Variants in TPD52L1 observed in about 807,000 individuals in gnomAD.
TPD52L1 encodes the protein TPD52 like 1, also known as tumor protein D53.
TPD52L1 carries 18 observed loss-of-function variants against 28.7 expected under a neutral mutation model. The observed-to-expected ratio is 0.63, with a 90% CI of 0.43 to 0.93. TPD52L1 has a LOEUF of 0.93. Ranked by LOEUF, TPD52L1 falls within the 40% of genes least tolerant of loss-of-function variation. The probability of loss-of-function intolerance (pLI) is 0.00; values close to 1 mark genes in which losing one functional copy is unlikely to be tolerated. For synonymous variants in TPD52L1, 75 were observed against 88.8 expected (o/e 0.84, Z 0.88); for missense variants, 203 against 254.8 (o/e 0.80, Z 1.39).
At chr6:125,231,653 G>A (rs553146379) in intron 3 of TPD52L1, among the ~76,000 whole-genome samples, 5 of 151,930 alleles carry the variant, frequency 3.3e-5, no homozygotes, top group African/African-American at 1.2e-4. Context: ...TTGTTTATAC[G>A]ACAAAATCAT....
rs944983340 is a variant in TPD52L1, at chr6:125,169,005, C to T, written c.19+15035C>T. 3.3e-5 allele frequency among the ~76,000 whole-genome samples: 5 copies of T among 151,846 alleles called. No individual in the cohort carries two copies. The East Asian group carries it at 7.7e-4, about 24-fold the overall frequency. On this transcript the variant is annotated intron_variant, in intron 1 of 6. Coordinates refer to ENST00000534000, the MANE Select transcript of TPD52L1 (RefSeq NM_003287.4). ...TTTCTTGCTCCCTCTTTCTTTGTGC[C>T]CTCCCCTTCCTCTCTCTACCCCTGC...
chr6:125,213,840 T>C (rs1794677136), intron 1 of TPD52L1, among the ~76,000 whole-genome samples: 5 of 152,246 alleles, frequency 3.3e-5, no homozygotes, highest in Admixed American at 3.3e-4. Flanking sequence ...TCCTATACCA[T>C]TCAAGGACCA....
chr6:125,183,188 G>A (rs1190701638), intron 1 of TPD52L1, among the ~76,000 whole-genome samples: 1 of 152,156 alleles, frequency 6.6e-6, no homozygotes, highest in South Asian at 2.1e-4. Context: ...TTTGTAGTTA[G>A]AAATGGAGAC....
intron 1 of TPD52L1, among the ~76,000 whole-genome samples, chr6:125,164,684 A>G (rs1427796165): frequency 6.6e-6 from 1 of 152,172 alleles, no homozygotes; most frequent in African/African-American, 2.4e-5. Context: ...TTATTCATTT[A>G]ACCATCTCCC....
intron 4 of TPD52L1, among the ~76,000 whole-genome samples, chr6:125,249,581 G>T (rs1231798210): frequency 1.3e-5 from 2 of 150,982 alleles, no homozygotes; most frequent in African/African-American, 4.9e-5. Context: ...AGTCCCAGCT[G>T]CTGAGGAGGC....
chr6:125,236,579 A>G (rs1796270466), intron 3 of TPD52L1, among the ~76,000 whole-genome samples: 1 of 152,248 alleles, frequency 6.6e-6, no homozygotes, highest in Non-Finnish European at 1.5e-5. Flanking sequence ...AAAATTAAAT[A>G]TTGGGTCTAA....
intron 1 of TPD52L1, among the ~76,000 whole-genome samples, chr6:125,160,335 G>C (rs1216300755): frequency 6.6e-6 from 1 of 152,044 alleles, no homozygotes; most frequent in Non-Finnish European, 1.5e-5. Flanking sequence ...TAAATCTATA[G>C]ATTTAGAATA....
intron 1 of TPD52L1, among the ~76,000 whole-genome samples, chr6:125,155,091 T>A (rs1340401760): frequency 1.3e-5 from 2 of 152,234 alleles, no homozygotes; most frequent in Admixed American, 6.5e-5. Context: ...TACTCGTTTG[T>A]TCCATCCTCC....
chr6:125,216,529 G>GTGTGTATA (rs1314530488), intron 1 of TPD52L1, among the ~76,000 whole-genome samples: 11 of 69,074 alleles, frequency 1.6e-4, no homozygotes, highest in African/African-American at 9.3e-4. Flanking sequence ...GTATGTGTGT[G>GTGTGTATA]TATATATATA....
chr6:125,235,737 G>A lies in TPD52L1; in HGVS notation c.284+6471G>A, dbSNP rs1398297961. On this transcript the variant is annotated intron_variant, in intron 3 of 6. Transcript: ENST00000534000. ...AATGTATATAAAATAGCAACTAACT[G>A]TTTTCAAGAAATATGATGGTTAGCT... Among the ~76,000 whole-genome samples, 4 of 152,186 alleles carry A rather than the reference G, an allele frequency of 2.6e-5. No individual in the cohort carries two copies. In the East Asian group the frequency reaches 7.7e-4, roughly 29 times the overall value.
chr6:125,236,075 C>T (rs917186983), intron 3 of TPD52L1, among the ~76,000 whole-genome samples: 2 of 152,120 alleles, frequency 1.3e-5, no homozygotes, highest in Admixed American at 1.3e-4. Context: ...AGCAGGCACC[C>T]TGGACTAGGC....
At chr6:125,191,138 T>C (rs1344373452) in intron 1 of TPD52L1, among the ~76,000 whole-genome samples, 3 of 152,248 alleles carry the variant, frequency 2.0e-5, no homozygotes, top group African/African-American at 7.2e-5. Flanking sequence ...CTCTCTTACA[T>C]GGAATCATTC....
intron 1 of TPD52L1, among the ~76,000 whole-genome samples, chr6:125,157,131 C>A (rs1790194091): frequency 6.6e-6 from 1 of 152,096 alleles, no homozygotes; most frequent in Non-Finnish European, 1.5e-5. Context: ...AAGTTTCCAC[C>A]TTCAGCACAG....
intron 1 of TPD52L1, among the ~76,000 whole-genome samples, chr6:125,191,939 T>C (rs1348052335): frequency 6.6e-6 from 1 of 152,194 alleles, no homozygotes; most frequent in Non-Finnish European, 1.5e-5. Flanking sequence ...TAAAGCAGAA[T>C]CTAAGTAGAA....
At chr6:125,207,781 T>G (rs1201555053) in intron 1 of TPD52L1, among the ~76,000 whole-genome samples, 4 of 152,144 alleles carry the variant, frequency 2.6e-5, no homozygotes, top group Non-Finnish European at 5.9e-5. Flanking sequence ...GTGCCATGAG[T>G]CTCTGATCTA....
intron 1 of TPD52L1, among the ~76,000 whole-genome samples, chr6:125,179,056 T>G (rs17052811): frequency 0.18 from 27,948 of 152,172 alleles, 2,866 homozygotes; most frequent in East Asian, 0.36. Flanking sequence ...CAAGTGGAAC[T>G]ACCTTTGACA....
intron 1 of TPD52L1, among the ~76,000 whole-genome samples, chr6:125,199,369 A>C (rs954014018): frequency 6.6e-6 from 1 of 152,248 alleles, no homozygotes; most frequent in African/African-American, 2.4e-5. Context: ...CTGTGTACAG[A>C]GATAATTATT....
intron 3 of TPD52L1, among the ~76,000 whole-genome samples, chr6:125,241,800 T>A (rs1796627531): frequency 6.6e-6 from 1 of 150,678 alleles, no homozygotes; most frequent in African/African-American, 2.5e-5. Context: ...CTTTTATATC[T>A]TTTTTTTGTC....
chr6:125,186,542 C>T (rs1237166504), intron 1 of TPD52L1, among the ~76,000 whole-genome samples: 1 of 152,086 alleles, frequency 6.6e-6, no homozygotes, highest in African/African-American at 2.4e-5. Context: ...CAGTTAAAGT[C>T]CCAACAAAGA....
Sources: gnomAD v4.1 joint callset for allele counts (sites outside exome capture counted in the v4.1 genomes callset) on GRCh38, gnomAD v4.1.1 for gene constraint, MANE v1.5 for transcripts, NCBI Gene and HGNC (gene_info 2026-07-23, HGNC 2026-07-21) for gene names.